CAMTA1: variants seen among roughly 807,000 people sequenced by gnomAD.
CAMTA1 encodes the protein calmodulin-binding transcription activator 1.
A neutral mutation model predicts 170.9 loss-of-function variants in CAMTA1; 27 were observed. The observed-to-expected ratio is 0.16, with a 90% CI of 0.12 to 0.22. CAMTA1 has a LOEUF of 0.22. Ranked by LOEUF, CAMTA1 falls within the 10% of genes least tolerant of loss-of-function variation. CAMTA1 has a pLI of 1.00. For missense variants in CAMTA1, 1,619 were observed against 2,217.2 expected (o/e 0.73, Z 5.42); for synonymous variants, 833 against 891.5 (o/e 0.93, Z 1.17).
chr1:7,103,957 A>G (rs920734325), intron 4 of CAMTA1, among the ~76,000 whole-genome samples: 12 of 151,046 alleles, frequency 7.9e-5, no homozygotes, highest in Non-Finnish European at 1.2e-4. Flanking sequence ...ACACGTACAT[A>G]CAACTACACA....
rs1295206091 is a variant in CAMTA1, at chr1:7,675,787, G to A, written c.2780-1812G>A. 3.9e-5 allele frequency among the ~76,000 whole-genome samples: 6 copies of A among 152,204 alleles called. No individual in the cohort carries two copies. In the South Asian group the frequency reaches 8.3e-4, roughly 21 times the overall value. The stretch of plus-strand genomic sequence containing the variant: ...GGACTTGCTGATGGACTGCATGAGC[G>A]GGGAAGGGAAGAGCGAGTCCAGGAA... On this transcript the variant is annotated intron_variant, in intron 10 of 22. Coordinates refer to ENST00000303635, the MANE Select transcript of CAMTA1 (RefSeq NM_015215.4).
At position 7,642,551 on chromosome 1, in the gene CAMTA1, TG is replaced by T. The variant is rs2095772015; in HGVS notation, c.664+2001del. ...ACTATGCAGGGCTGGCACCGGACAC[TG>T]GGTCCTGCCTAGACCCCGCCCCAGG... On this transcript the variant is annotated intron_variant, in intron 7 of 22. Transcript: ENST00000303635. This position sits in a 1 kb window ranked among gnomAD's most constrained non-coding sequence, Gnocchi z 6.3. Among the ~76,000 whole-genome samples the T allele has an allele frequency of 3.9e-5, 6 of 152,160 alleles. No homozygotes were observed. The highest frequency in any genetic ancestry group is 3.3e-4 in the Admixed American group (5 of 15,278).
intron 11 of CAMTA1, among the ~76,000 whole-genome samples, chr1:7,708,552 T>A (rs1463317500): frequency 6.6e-6 from 1 of 152,204 alleles, no homozygotes; most frequent in Non-Finnish European, 1.5e-5. Flanking sequence ...TGTGTAATGC[T>A]TTATTTCAGT....
chr1:7,113,177 A>T lies in CAMTA1; in HGVS notation c.302+21806A>T, dbSNP rs895054338. 3.9e-5 allele frequency among the ~76,000 whole-genome samples: 6 copies of T among 152,246 alleles called. No individual in the cohort carries two copies. The highest frequency in any genetic ancestry group is 2.0e-4 in the Admixed American group (3 of 15,292). On this transcript the variant is annotated intron_variant, in intron 4 of 22. Transcript: ENST00000303635. This position sits in a 1 kb window ranked among gnomAD's most constrained non-coding sequence, Gnocchi z 4.5. ...CCAGTCTAACTTTATTAAGGCCAGA[A>T]TCATCCTTTTCTGTCAGAAGCCACA...
chr1:7,273,812 A>G (rs573676524), intron 5 of CAMTA1, among the ~76,000 whole-genome samples: 17 of 152,308 alleles, frequency 1.1e-4, no homozygotes, highest in African/African-American at 3.6e-4. Flanking sequence ...ATAGAAGCAA[A>G]GTGTGTGACA....
In CAMTA1 at chr1:7,673,715, G is replaced by A. The variant is rs1558103814; in HGVS notation, c.2779+2678G>A. Among the ~76,000 whole-genome samples, 1 of 152,194 alleles carries A rather than the reference G, an allele frequency of 6.6e-6. No individual in the cohort carries two copies. Among genetic ancestry groups the A allele is most frequent in the Non-Finnish European group, 1.5e-5 (1 of 68,034 alleles). ...TCTGTCTTCAGCTAACTCCACAAAG[G>A]GGGCCTCCTTTGGACATCTCTGCTT... On this transcript the variant is annotated intron_variant, in intron 10 of 22. Coordinates refer to ENST00000303635, the MANE Select transcript of CAMTA1 (RefSeq NM_015215.4). This position sits in a 1 kb window ranked among gnomAD's most constrained non-coding sequence, Gnocchi z 4.6.
chr1:7,332,556 C>A (rs1281894444), intron 5 of CAMTA1, among the ~76,000 whole-genome samples: 1 of 152,182 alleles, frequency 6.6e-6, no homozygotes, highest in Non-Finnish European at 1.5e-5. Flanking sequence ...GTCTTAGGAG[C>A]AGCCCGGAAG....
At position 7,182,265 on chromosome 1, in the gene CAMTA1, G is replaced by T. The variant is rs374015502; in HGVS notation, c.303-67226G>T. Among the ~76,000 whole-genome samples, 29 of 152,238 alleles carry T rather than the reference G, an allele frequency of 1.9e-4. 1 individual carries two copies. In the South Asian group the frequency reaches 5.4e-3, roughly 28 times the overall value. On this transcript the variant is annotated intron_variant, in intron 4 of 22. Coordinates refer to ENST00000303635, the MANE Select transcript of CAMTA1 (RefSeq NM_015215.4). Reference sequence around the variant, plus strand: ...TCATAAAAGTACTAGAAGTGGCTGGGCACAGTGGCTCATGCCTGTAATCCT... The same window carrying T: ...TCATAAAAGTACTAGAAGTGGCTGGTCACAGTGGCTCATGCCTGTAATCCT...
At chr1:7,184,382 G>T in intron 4 of CAMTA1, among the ~76,000 whole-genome samples, 1 of 152,130 alleles carries the variant, frequency 6.6e-6, no homozygotes, top group East Asian at 1.9e-4. Flanking sequence ...TAATTGGATT[G>T]TTTGTAACAA....
intron 4 of CAMTA1, among the ~76,000 whole-genome samples, chr1:7,102,723 G>A (rs1330551847): frequency 6.6e-6 from 1 of 152,070 alleles, no homozygotes; most frequent in East Asian, 1.9e-4. Context: ...CAGTGTCATG[G>A]GCTCGCTCTA....
chr1:7,138,569 C>T (rs1645679746), intron 4 of CAMTA1, among the ~76,000 whole-genome samples: 1 of 152,360 alleles, frequency 6.6e-6, no homozygotes, highest in Non-Finnish European at 1.5e-5. Flanking sequence ...CCGCCTCCCA[C>T]AGGCATACAC....
intron 6 of CAMTA1, among the ~76,000 whole-genome samples, chr1:7,554,269 C>T (rs1271730222): frequency 6.6e-6 from 1 of 152,186 alleles, no homozygotes; most frequent in Non-Finnish European, 1.5e-5. Context: ...TCATCTTCCT[C>T]CATTTCTCTA....
intron 3 of CAMTA1, among the ~76,000 whole-genome samples, chr1:6,860,918 A>C (rs1360062311): frequency 6.6e-6 from 1 of 151,540 alleles, no homozygotes; most frequent in African/African-American, 2.4e-5. Context: ...TCTCAAAAAA[A>C]CAAAACAAAA....
At chr1:7,650,242 T>C (rs1558055662) in intron 7 of CAMTA1, among the ~76,000 whole-genome samples, 1 of 152,310 alleles carries the variant, frequency 6.6e-6, no homozygotes, top group East Asian at 1.9e-4. Context: ...CCCAGCCTGG[T>C]AACAATGCCG....
chr1:6,790,674 T>G (rs1640844919), intron 1 of CAMTA1, among the ~76,000 whole-genome samples: 1 of 152,200 alleles, frequency 6.6e-6, no homozygotes, highest in African/African-American at 2.4e-5. Flanking sequence ...TGAAGAATTA[T>G]ATCCAAATTT....
At chr1:7,639,757 T>A (rs2095745724) in intron 6 of CAMTA1, among the ~76,000 whole-genome samples, 1 of 146,958 alleles carries the variant, frequency 6.8e-6, no homozygotes, top group Non-Finnish European at 1.5e-5. Context: ...GACGATGGAG[T>A]GAGACTCTGT....
chr1:7,490,153 C>T (rs2093680652), intron 6 of CAMTA1, among the ~76,000 whole-genome samples: 1 of 152,192 alleles, frequency 6.6e-6, no homozygotes, highest in South Asian at 2.1e-4. Flanking sequence ...GCTCTTCTCC[C>T]CACATCCAGG....
chr1:7,514,987 A>G (rs964345312), intron 6 of CAMTA1, among the ~76,000 whole-genome samples: 1 of 152,074 alleles, frequency 6.6e-6, no homozygotes, highest in Non-Finnish European at 1.5e-5. Flanking sequence ...TCCACCCAGG[A>G]TCATCAGGCC....
At chr1:7,108,963 T>G (rs1357747770) in intron 4 of CAMTA1, among the ~76,000 whole-genome samples, 1 of 152,204 alleles carries the variant, frequency 6.6e-6, no homozygotes, top group East Asian at 1.9e-4. Flanking sequence ...ACTCATGCAT[T>G]GTGGGAGGAT....
Sources: allele counts gnomAD v4.1 joint callset (sites outside exome capture counted in the v4.1 genomes callset), GRCh38; gene constraint gnomAD v4.1.1; non-coding constraint Gnocchi (gnomAD v3.1); transcripts MANE v1.5; gene names NCBI Gene and HGNC (gene_info 2026-07-23, HGNC 2026-07-21).